The following CERS1 variants were observed in gnomAD, a reference collection of about 807,000 sequenced individuals.
The protein encoded by CERS1 is ceramide synthase 1, also known as Embryonic growth/differentiation factor 1.
In CERS1, 16 loss-of-function variants were observed where a neutral mutation model predicts 35.7. The ratio of observed to expected loss-of-function variants is 0.45; its 90% confidence interval spans 0.30 to 0.68. The LOEUF is 0.68. CERS1 is among the 30% of genes least tolerant of loss of function. The probability of loss-of-function intolerance (pLI) is 0.08; values close to 1 mark genes in which losing one functional copy is unlikely to be tolerated. For synonymous variants in CERS1, 243 were observed against 201.6 expected, an observed-to-expected ratio of 1.21 and a Z score of -1.74; for missense variants, 454 against 453.9, an observed-to-expected ratio of 1.00 and a Z score of 0.00.
intron 2 of CERS1, among the ~76,000 whole-genome samples, chr19:18,892,736 G>A (rs976174751): frequency 6.6e-6 from 1 of 151,982 alleles, no homozygotes; most frequent in African/African-American, 2.4e-5. Flanking sequence ...TGCTGTTACC[G>A]ACACCTGGAA....
rs1337211102 is a variant in CERS1 at position 18,870,828 on chromosome 19, G to C, written c.1011-209C>G. On this transcript the variant is annotated intron_variant, in intron 6 of 7. Coordinates refer to ENST00000623882, the MANE Select transcript of CERS1 (RefSeq NM_021267.5). This position sits in a 1 kb window ranked among gnomAD's most constrained non-coding sequence, Gnocchi z 5.1. ...TTCAACCTGCCCCGTAGGCACGTATGTCCCCCCTGGCACCCTGGCACTTCC... is the reference window on the plus strand; with the variant it reads ...TTCAACCTGCCCCGTAGGCACGTATCTCCCCCCTGGCACCCTGGCACTTCC... Among the ~76,000 whole-genome samples the C allele has an allele frequency of 6.6e-6, 1 of 151,488 alleles. No individual in the cohort carries two copies. Among genetic ancestry groups the C allele is most frequent in the Non-Finnish European group, 1.5e-5 (1 of 67,890 alleles).
rs773079354 is a variant in CERS1, at chr19:18,869,386, C to A, written c.*599G>T. On this transcript the variant is annotated 3_prime_UTR_variant, in exon 8 of 8. Coordinates refer to ENST00000623882, the MANE Select transcript of CERS1 (RefSeq NM_021267.5). ...AGGCAGGCTCCGAGGCCCGGGTGGGCGCACCTGGGGAGGTAGGAACAGGAA... is the reference window on the plus strand; with the variant it reads ...AGGCAGGCTCCGAGGCCCGGGTGGGAGCACCTGGGGAGGTAGGAACAGGAA... 2.2e-5 allele frequency: 34 copies of A among 1,528,086 alleles called. 2 individuals carry two copies. In the South Asian group the frequency reaches 3.8e-4, roughly 17 times the overall value. 94.7% of individuals were successfully genotyped at this position (1,528,086 alleles called of 1,614,324 possible).
In CERS1 at chr19:18,895,989, GC is replaced by G; in HGVS notation, c.83del (p.Gly28AlafsTer267). The G allele has an allele frequency of 1.9e-6, 2 of 1,038,256 alleles. No homozygotes were observed. Among genetic ancestry groups the G allele is most frequent in the South Asian group, 3.5e-5 (1 of 28,364 alleles). The allele number at this position is 1,038,256 out of a possible 1,614,324, so 64.3% of individuals were successfully genotyped here. The part of the protein sequence containing the change: ...SYAQLVQRGW[G>X]SALAAARGCT... ...AGCCCCGCGCCGCCGCCAGCGCGCTGCCCCAGCCGCGCTGCACTAGCTGCGC... is the reference window on the plus strand; with the variant it reads ...AGCCCCGCGCCGCCGCCAGCGCGCTGCCCAGCCGCGCTGCACTAGCTGCGC... On this transcript the variant is annotated frameshift_variant, in exon 1 of 8. Coordinates refer to ENST00000623882, the MANE Select transcript of CERS1 (RefSeq NM_021267.5). LOFTEE classifies it high-confidence loss of function. The surrounding 1 kb of genome is among the most constrained non-coding windows in gnomAD (Gnocchi z 6.4).
chr19:18,868,638 G>T lies in CERS1; in HGVS notation c.*1347C>A, dbSNP rs751311265. The T allele has an allele frequency of 6.4e-7, 1 of 1,574,580 alleles. No individual in the cohort carries two copies. Among genetic ancestry groups the T allele is most frequent in the East Asian group, 2.3e-5 (1 of 42,890 alleles). ...TCGTCCACCACCATGTCCTCATACT[G>T]CCGCAGCACCACGTTGTCGCTGTTG... On this transcript the variant is annotated 3_prime_UTR_variant, in exon 8 of 8. Transcript: ENST00000623882.
intron 2 of CERS1, among the ~76,000 whole-genome samples, chr19:18,888,395 G>A (rs943654492): frequency 6.6e-6 from 1 of 151,804 alleles, no homozygotes; most frequent in African/African-American, 2.4e-5. Flanking sequence ...GCTCGTGCCT[G>A]TAATCCCAGC....
At chr19:18,871,573 G>A (rs1298370598) in intron 6 of CERS1, among the ~76,000 whole-genome samples, 1 of 152,116 alleles carries the variant, frequency 6.6e-6, no homozygotes, top group Non-Finnish European at 1.5e-5. Flanking sequence ...TGTTGTAGAG[G>A]TGAGGTTGCT....
chr19:18,884,349 C>T (rs1339750003), intron 2 of CERS1, 82 bp from the exon 3 acceptor site: 1 of 1,305,916 alleles, frequency 7.7e-7, no homozygotes, highest in African/African-American at 1.5e-5. Context: ...ACCCTCCAAG[C>T]CACACGTGTC....
In CERS1 at chr19:18,870,273, T is replaced by G; in HGVS notation, c.*304A>C. On this transcript the variant is annotated 3_prime_UTR_variant, in exon 7 of 8. Coordinates refer to ENST00000623882, the MANE Select transcript of CERS1 (RefSeq NM_021267.5). The surrounding 1 kb of genome is among the most constrained non-coding windows in gnomAD (Gnocchi z 5.1). ...CAGCAGGGCCAGGAGGAGGAGGAGGTGGTGGCCGCAGGGACCTTGCTGCGG... is the reference window on the plus strand; with the variant it reads ...CAGCAGGGCCAGGAGGAGGAGGAGGGGGTGGCCGCAGGGACCTTGCTGCGG... 6.5e-7 allele frequency: 1 copy of G among 1,548,434 alleles called. No homozygotes were observed. Among genetic ancestry groups the G allele is most frequent in the Non-Finnish European group, 8.7e-7 (1 of 1,148,828 alleles).
intron 7 of CERS1, among the ~76,000 whole-genome samples, chr19:18,869,618 T>TAGG (rs1333995690): frequency 7.8e-6 from 1 of 127,766 alleles, no homozygotes; most frequent in Admixed American, 7.9e-5. Context: ...GCGGGGGGCA[T>TAGG]AGGAGGAGGG....
intron 2 of CERS1, among the ~76,000 whole-genome samples, chr19:18,885,611 C>T (rs180700840): frequency 2.7e-5 from 4 of 150,134 alleles, no homozygotes; most frequent in East Asian, 2.0e-4. Flanking sequence ...CCTCCATATC[C>T]GGGGTTCAAG....
intron 3 of CERS1, among the ~76,000 whole-genome samples, chr19:18,881,396 T>A (rs893815984): frequency 1.3e-5 from 2 of 151,864 alleles, no homozygotes; most frequent in Non-Finnish European, 2.9e-5. Flanking sequence ...AATTTTGTAT[T>A]TTTAGTAGAG....
At position 18,868,593 on chromosome 19, in the gene CERS1, CG is replaced by C. The variant is rs1233847850; in HGVS notation, c.*1391del. ...GTTGGGCCCGCGTCCCTGCCCGCCCCGGGTTAGCGGCAGCCGCACTCGTCCA... is the reference window on the plus strand; with the variant it reads ...GTTGGGCCCGCGTCCCTGCCCGCCCCGGTTAGCGGCAGCCGCACTCGTCCA... On this transcript the variant is annotated 3_prime_UTR_variant, in exon 8 of 8. Coordinates refer to ENST00000623882, the MANE Select transcript of CERS1 (RefSeq NM_021267.5). 6.4e-7 allele frequency: 1 copy of C among 1,553,028 alleles called. No individual in the cohort carries two copies. Among genetic ancestry groups the C allele is most frequent in the Non-Finnish European group, 8.7e-7 (1 of 1,147,446 alleles).
intron 2 of CERS1, among the ~76,000 whole-genome samples, chr19:18,886,064 C>T (rs1166169340): frequency 6.6e-6 from 1 of 152,182 alleles, no homozygotes; most frequent in African/African-American, 2.4e-5. Context: ...CGTCCACCTC[C>T]TCCTCTCCTC....
chr19:18,883,794 G>C (rs1002915590), intron 3 of CERS1, among the ~76,000 whole-genome samples: 1 of 152,104 alleles, frequency 6.6e-6, no homozygotes. Context: ...CAAGGGCAGC[G>C]TCTGAAGAGC....
At chr19:18,891,867 C>T (rs1426457607) in intron 2 of CERS1, among the ~76,000 whole-genome samples, 2 of 151,056 alleles carry the variant, frequency 1.3e-5, no homozygotes, top group Admixed American at 1.3e-4. Flanking sequence ...CAGTGAGCCA[C>T]CACGCCCAGC....
At chr19:18,884,417 ATT>A (rs11297387) in intron 2 of CERS1, 150 bp from the exon 3 acceptor site, 14,389 of 555,244 alleles carry the variant, frequency 0.026, 21 homozygotes, top group South Asian at 0.042. Flanking sequence ...TCCCAATTCT[ATT>A]TTTTTTTTTT....
chr19:18,889,257 C>T (rs79586006), intron 2 of CERS1, among the ~76,000 whole-genome samples: 2 of 152,098 alleles, frequency 1.3e-5, no homozygotes, highest in East Asian at 1.9e-4. Context: ...CTGATCCTCT[C>T]CATCCTGACT....
chr19:18,879,067 G>T, intron 5 of CERS1, 28 bp from the exon 6 acceptor site: 1 of 1,609,952 alleles, frequency 6.2e-7, no homozygotes. Context: ...AGGTGCCAGT[G>T]AGAAGAAAGC....
chr19:18,881,084 T>A (rs937259626), intron 3 of CERS1, among the ~76,000 whole-genome samples: 2 of 152,138 alleles, frequency 1.3e-5, no homozygotes, highest in Admixed American at 6.6e-5. Context: ...GGGTACTCTG[T>A]GTCCAGATCC....
Sources: gnomAD v4.1 joint callset for allele counts (sites outside exome capture counted in the v4.1 genomes callset) on GRCh38, gnomAD v4.1.1 for gene constraint, Gnocchi (gnomAD v3.1) non-coding constraint, MANE v1.5 for transcripts, NCBI Gene and HGNC (gene_info 2026-07-23, HGNC 2026-07-21) for gene names.